ENPP1: variants seen among roughly 807,000 people sequenced by gnomAD.
ENPP1 encodes ectonucleotide pyrophosphatase/phosphodiesterase 1.
ENPP1 carries 73 observed loss-of-function variants against 122.8 expected under a neutral mutation model. That is an observed-to-expected ratio of 0.59 (90% CI 0.49 to 0.72). ENPP1 has a LOEUF of 0.72. ENPP1 is among the 30% of genes least tolerant of loss of function. The pLI, the probability that ENPP1 is intolerant of heterozygous loss-of-function variation, is 0.00. For missense variants in ENPP1, 978 were observed against 1,128.1 expected (o/e 0.87, Z 1.91); for synonymous variants, 367 against 391.6 (o/e 0.94, Z 0.74).
chr6:131,847,225 AC>A (rs1781821785), intron 1 of ENPP1, among the ~76,000 whole-genome samples: 1 of 152,220 alleles, frequency 6.6e-6, no homozygotes, highest in Non-Finnish European at 1.5e-5. Flanking sequence ...ATGGATTGAT[AC>A]ATAGGAAATC....
Position 131,864,552 on chromosome 6 carries a change from C to G in ENPP1, c.1072C>G (p.Gln358Glu). 6.2e-7 allele frequency: 1 copy of G among 1,609,280 alleles called. No homozygotes were observed. The highest frequency in any genetic ancestry group is 8.5e-7 in the Non-Finnish European group (1 of 1,175,920). Reference sequence around the variant, plus strand: ...GATTTTAGCTGTTCTTCAGTGGCTACAGCTTCCTAAAGATGAAAGGTCTGT... The same window carrying G: ...GATTTTAGCTGTTCTTCAGTGGCTAGAGCTTCCTAAAGATGAAAGGTCTGT... ...ERILAVLQWLQLPKDERPHFY... is the reference protein window; with the variant it reads ...ERILAVLQWLELPKDERPHFY... Residue 358 changes from glutamine (Q) to glutamate (E), a missense_variant, in exon 10 of 25, where the codon CAG (glutamine) becomes GAG (glutamate). Around this residue, in one of 3 missense-constraint regions of ENPP1, gnomAD observed 644 missense variants for 781.5 expected, o/e 0.82. Transcript: ENST00000647893.
At chr6:131,847,893 G>GTA (rs752852467) in intron 2 of ENPP1, 45 bp downstream of exon 2, 1 of 1,195,072 alleles carries the variant, frequency 8.4e-7, no homozygotes, top group Non-Finnish European at 1.2e-6. Context: ...GTGTGTGTGT[G>GTA]TATGTGTGTG....
At chr6:131,867,104 G>A (rs1180246735) in intron 11 of ENPP1, among the ~76,000 whole-genome samples, 1 of 152,162 alleles carries the variant, frequency 6.6e-6, no homozygotes, top group East Asian at 1.9e-4. Flanking sequence ...CAAACTCTGT[G>A]AACTCCAACA....
chr6:131,820,690 C>T (rs1781474251), intron 1 of ENPP1: 1 of 152,198 alleles, frequency 6.6e-6, no homozygotes, highest in Non-Finnish European at 1.5e-5. Flanking sequence ...CACAGCTCTG[C>T]TGTTATCCAT....
At chr6:131,874,021 A>G (rs949983615) in intron 15 of ENPP1, among the ~76,000 whole-genome samples, 2 of 152,156 alleles carry the variant, frequency 1.3e-5, no homozygotes, top group African/African-American at 4.8e-5. Context: ...CCAATGTTCA[A>G]AACCACTTCT....
chr6:131,868,844 A>G (rs1026626724), intron 12 of ENPP1, among the ~76,000 whole-genome samples: 1 of 152,250 alleles, frequency 6.6e-6, no homozygotes, highest in Non-Finnish European at 1.5e-5. Flanking sequence ...ACGCTTGTGT[A>G]CAGTTTGGGG....
intron 1 of ENPP1, among the ~76,000 whole-genome samples, chr6:131,808,606 C>G (rs1440187481): frequency 6.6e-6 from 1 of 152,160 alleles, no homozygotes; most frequent in Non-Finnish European, 1.5e-5. Flanking sequence ...ATGTCAAACG[C>G]GAAAGTTGTT....
intron 9 of ENPP1, among the ~76,000 whole-genome samples, chr6:131,863,689 C>T (rs993659662): frequency 5.3e-5 from 8 of 149,752 alleles, no homozygotes; most frequent in African/African-American, 1.5e-4. Context: ...CTGAGGCAGG[C>T]GGATCACGAG....
intron 1 of ENPP1, among the ~76,000 whole-genome samples, chr6:131,815,103 T>C (rs546614179): frequency 3.9e-5 from 6 of 152,048 alleles, no homozygotes; most frequent in Non-Finnish European, 7.4e-5. Context: ...TTTATTTGGG[T>C]ATAGGGAGAT....
chr6:131,864,652 C>T, intron 10 of ENPP1, 81 bp downstream of exon 10: 1 of 1,027,270 alleles, frequency 9.7e-7, no homozygotes. Context: ...TACAACAAAA[C>T]TTTGCTATTT....
At chr6:131,889,576 T>C (rs1782436028) in intron 24 of ENPP1, among the ~76,000 whole-genome samples, 1 of 152,232 alleles carries the variant, frequency 6.6e-6, no homozygotes, top group Non-Finnish European at 1.5e-5. Context: ...TATGGCTGCA[T>C]AGTATTCCAT....
Position 131,878,570 on chromosome 6 carries a change from A to G in ENPP1, c.1922A>G (p.Gln641Arg). ...TTGCCGATTGAGGATTTTCAAACACAGTTCAATCTGACTGTGGCAGAAGGT... is the reference window on the plus strand; with the variant it reads ...TTGCCGATTGAGGATTTTCAAACACGGTTCAATCTGACTGTGGCAGAAGGT... ...SILPIEDFQT[Q>R]FNLTVAEEKI... is the part of the protein sequence containing the mutation. The change falls in exon 19 of 25, where the codon CAG (glutamine) becomes CGG (arginine). Residue 641 changes from glutamine to arginine, a missense_variant. Gln to Arg is a conservative substitution (Grantham distance 43). Coordinates refer to ENST00000647893, the MANE Select transcript of ENPP1 (RefSeq NM_006208.3). The G allele has an allele frequency of 6.2e-7, 1 of 1,613,180 alleles. No homozygotes were observed.
chr6:131,883,179 A>G (rs2114727778), intron 21 of ENPP1, among the ~76,000 whole-genome samples: 1 of 152,336 alleles, frequency 6.6e-6, no homozygotes, highest in South Asian at 2.1e-4. Flanking sequence ...CATCCAGTTC[A>G]GTTCCCAGAG....
In ENPP1 at chr6:131,893,719, TC is replaced by T. The variant is rs1324031160; in HGVS notation, c.*3210del. 1 of 152,136 alleles carries T rather than the reference TC, an allele frequency of 6.6e-6. No individual in the cohort carries two copies. Among genetic ancestry groups the T allele is most frequent in the Non-Finnish European group, 1.5e-5 (1 of 68,012 alleles). The allele number at this position is 152,136 out of a possible 1,614,324, so 9.4% of individuals were successfully genotyped here. ...TTTTTCTGTGGTTCTTACACAGTAT[TC>T]CTTTTTTTCTTTTCTTGAAAGAGAC... On this transcript the variant is annotated 3_prime_UTR_variant, in exon 25 of 25. Coordinates refer to ENST00000647893, the MANE Select transcript of ENPP1 (RefSeq NM_006208.3).
At chr6:131,852,287 C>A (rs757143469) in intron 5 of ENPP1, 52 bp downstream of exon 5, 2 of 1,074,540 alleles carry the variant, frequency 1.9e-6, no homozygotes, top group Non-Finnish European at 2.8e-6. Flanking sequence ...AGTACAGCAT[C>A]ATTTTTTTCT....
chr6:131,853,601 A>G (rs567732048), intron 5 of ENPP1, among the ~76,000 whole-genome samples: 8 of 152,180 alleles, frequency 5.3e-5, no homozygotes, highest in Non-Finnish European at 1.2e-4. Context: ...CAGTGGAGCT[A>G]TGTTACAGAT....
rs111547677 is a variant in ENPP1 at position 131,814,398 on chromosome 6, A to T, written c.240+6123A>T. 2.2e-3 allele frequency among the ~76,000 whole-genome samples: 336 copies of T among 152,102 alleles called. 1 individual carries two copies. Among genetic ancestry groups the T allele is most frequent in the Middle Eastern group, 0.01 (3 of 294 alleles). ...TGGGAAGTCACTGTGAATCCTGCTG[A>T]CCTAAAGAAAAAAAAAACCAAGGCA... On this transcript the variant is annotated intron_variant, in intron 1 of 24. Coordinates refer to ENST00000647893, the MANE Select transcript of ENPP1 (RefSeq NM_006208.3).
chr6:131,889,473 G>C (rs1409487110), intron 24 of ENPP1, among the ~76,000 whole-genome samples: 9 of 151,754 alleles, frequency 5.9e-5, no homozygotes, highest in Non-Finnish European at 1.0e-4. Context: ...TTATAATTGA[G>C]AACATGAGGT....
chr6:131,877,241 A>T, intron 18 of ENPP1, 80 bp downstream of exon 18: 1 of 1,369,758 alleles, frequency 7.3e-7, no homozygotes, highest in Non-Finnish European at 1.0e-6. Context: ...AAAAATACTT[A>T]ATAATCAAAT....
Sources: gnomAD v4.1 joint callset for allele counts (sites outside exome capture counted in the v4.1 genomes callset) on GRCh38, gnomAD v4.1.1 for gene constraint, gnomAD v4.1.1 regional missense constraint, MANE v1.5 for transcripts, NCBI Gene and HGNC (gene_info 2026-07-23, HGNC 2026-07-21) for gene names.